The following NAV3 variants were observed in gnomAD, a reference collection of about 807,000 sequenced individuals.
The protein encoded by NAV3 is pore membrane and/or filament interacting like protein 1.
NAV3 carries 87 observed loss-of-function variants against 244.7 expected under a neutral mutation model. That is an observed-to-expected ratio of 0.36 (90% CI 0.30 to 0.42). NAV3 has a LOEUF of 0.42. Among genes scored for constraint, NAV3 ranks in the 20% least tolerant of loss-of-function variants. NAV3 has a pLI of 1.00. For missense variants in NAV3, 2,663 were observed against 2,893.3 expected (o/e 0.92, Z 1.83); for synonymous variants, 1,126 against 1,042.2 (o/e 1.08, Z -1.55).
chr12:78,062,395 G>C lies in NAV3; in HGVS notation c.2636+3280G>C, dbSNP rs1418986560. Among the ~76,000 whole-genome samples the C allele has an allele frequency of 2.6e-5, 4 of 152,198 alleles. No individual in the cohort carries two copies. In the East Asian group the frequency reaches 7.7e-4, roughly 29 times the overall value. On this transcript the variant is annotated intron_variant, in intron 12 of 39. Transcript: ENST00000397909. The stretch of plus-strand genomic sequence containing the variant: ...GTGTTTCTTGTATCATGAGACAATA[G>C]TAGACATTGTAAATCAAAAATAGTT...
chr12:78,079,606 GAAA>G (rs76738232), intron 12 of NAV3, among the ~76,000 whole-genome samples: 14,617 of 152,034 alleles, frequency 0.096, 888 homozygotes, highest in South Asian at 0.19. Flanking sequence ...TCTCTTCATA[GAAA>G]AAATTATTAG....
chr12:77,815,338 T>C (rs1012408580), intron 2 of NAV3, among the ~76,000 whole-genome samples: 2 of 152,322 alleles, frequency 1.3e-5, no homozygotes, highest in African/African-American at 2.4e-5. Flanking sequence ...GCAATTACTT[T>C]AGAAATCCTC....
intron 1 of NAV3, among the ~76,000 whole-genome samples, chr12:77,914,300 G>A (rs1450053030): frequency 1.3e-5 from 2 of 151,948 alleles, no homozygotes; most frequent in East Asian, 3.9e-4. Flanking sequence ...CACACGTCAG[G>A]CAGTCCATCG....
At chr12:77,606,508 A>G (rs1019208181) in intron 2 of NAV3, among the ~76,000 whole-genome samples, 3 of 152,162 alleles carry the variant, frequency 2.0e-5, no homozygotes, top group African/African-American at 4.8e-5. Flanking sequence ...TTCTGCTACA[A>G]TGTGAGTAAC....
chr12:78,110,076 G>A (rs902320616), intron 12 of NAV3, among the ~76,000 whole-genome samples: 2 of 151,908 alleles, frequency 1.3e-5, no homozygotes, highest in African/African-American at 4.8e-5. Context: ...TCTTAGATTT[G>A]ATTAATTAAT....
chr12:78,115,236 T>C (rs35564878), intron 12 of NAV3, among the ~76,000 whole-genome samples: 83 of 152,326 alleles, frequency 5.4e-4, no homozygotes, highest in Middle Eastern at 6.8e-3. Flanking sequence ...AGCTTTTGTC[T>C]GTATATAATG....
intron 2 of NAV3, among the ~76,000 whole-genome samples, chr12:77,789,666 C>A (rs571277685): frequency 2.6e-5 from 4 of 151,654 alleles, no homozygotes; most frequent in Admixed American, 2.0e-4. Flanking sequence ...AAAAAGCAGC[C>A]GGGTGTGGTG....
chr12:77,701,245 G>GT (rs1875547087), intron 2 of NAV3, among the ~76,000 whole-genome samples: 1 of 151,772 alleles, frequency 6.6e-6, no homozygotes, highest in Admixed American at 6.6e-5. Context: ...AAGCTATTTA[G>GT]TTTTTATCTT....
chr12:78,209,059 C>A (rs769253802), intron 39 of NAV3, among the ~76,000 whole-genome samples: 1 of 152,094 alleles, frequency 6.6e-6, no homozygotes, highest in Non-Finnish European at 1.5e-5. Context: ...AAGTTATCAC[C>A]TACTACTTTT....
chr12:77,995,634 C>A (rs7139116), intron 6 of NAV3, among the ~76,000 whole-genome samples: 125,242 of 152,070 alleles, frequency 0.82, 51,726 homozygotes, highest in Admixed American at 0.87. Context: ...TCATATTATG[C>A]AGTGTTTGAC....
intron 2 of NAV3, among the ~76,000 whole-genome samples, chr12:77,823,331 A>G (rs907031725): frequency 6.6e-6 from 1 of 152,198 alleles, no homozygotes; most frequent in Non-Finnish European, 1.5e-5. Flanking sequence ...ACAAAGAGAT[A>G]GGAGAGAATG....
intron 12 of NAV3, among the ~76,000 whole-genome samples, chr12:78,072,809 C>A (rs1952844274): frequency 8.1e-6 from 1 of 123,456 alleles, no homozygotes; most frequent in Non-Finnish European, 1.7e-5. Flanking sequence ...CAAAACGAAT[C>A]CAGCAGCACA....
intron 1 of NAV3, among the ~76,000 whole-genome samples, chr12:77,833,473 C>T (rs113105405): frequency 6.6e-5 from 10 of 152,302 alleles, no homozygotes; most frequent in African/African-American, 2.2e-4. Flanking sequence ...TCTTCAATGC[C>T]CCGCTGCTGA....
chr12:78,093,938 C>T (rs1954098888), intron 12 of NAV3, among the ~76,000 whole-genome samples: 1 of 152,086 alleles, frequency 6.6e-6, no homozygotes, highest in Admixed American at 6.5e-5. Flanking sequence ...CACTTGGGCT[C>T]AAACACTTGG....
At chr12:78,120,122 C>CA (rs36170084) in intron 15 of NAV3, among the ~76,000 whole-genome samples, 177 bp downstream of exon 15, 8,347 of 151,014 alleles carry the variant, frequency 0.055, 282 homozygotes, top group Non-Finnish European at 0.073. Context: ...AAACAGCTAG[C>CA]AAAAAAAATA....
chr12:78,045,142 G>T (rs934198917), intron 9 of NAV3, among the ~76,000 whole-genome samples: 7 of 152,088 alleles, frequency 4.6e-5, no homozygotes, highest in Non-Finnish European at 7.3e-5. Context: ...GCATGAAGGG[G>T]TGTTGAATTT....
intron 2 of NAV3, among the ~76,000 whole-genome samples, chr12:77,671,179 C>G (rs1028615974): frequency 6.6e-6 from 1 of 151,916 alleles, no homozygotes; most frequent in Non-Finnish European, 1.5e-5. Flanking sequence ...AACTCAACAC[C>G]TTTTACAAGG....
chr12:77,682,371 T>C (rs754591009), intron 2 of NAV3, among the ~76,000 whole-genome samples: 13 of 152,202 alleles, frequency 8.5e-5, no homozygotes, highest in Admixed American at 2.0e-4. Flanking sequence ...CCATTGTGTA[T>C]AGGTATTACA....
intron 2 of NAV3, among the ~76,000 whole-genome samples, chr12:77,786,234 G>A (rs1475248506): frequency 6.6e-6 from 1 of 152,068 alleles, no homozygotes; most frequent in Non-Finnish European, 1.5e-5. Flanking sequence ...GAGAAGTATG[G>A]CAGAGAATAA....
Sources: gnomAD v4.1 joint callset for allele counts (sites outside exome capture counted in the v4.1 genomes callset) on GRCh38, gnomAD v4.1.1 for gene constraint, MANE v1.5 for transcripts, NCBI Gene and HGNC (gene_info 2026-07-23, HGNC 2026-07-21) for gene names.